The following KCNQ5 variants were observed in gnomAD, a reference collection of about 807,000 sequenced individuals.
KCNQ5 encodes potassium voltage-gated channel subfamily KQT member 5.
Under a neutral mutation model 98.2 loss-of-function variants are expected in KCNQ5, and 30 were observed. That is an observed-to-expected ratio of 0.31 (90% CI 0.23 to 0.41). The LOEUF (loss-of-function observed/expected upper bound fraction) is 0.41. KCNQ5 is among the 10% of genes least tolerant of loss of function. The pLI is 1.00. For synonymous variants in KCNQ5, 458 were observed against 449.4 expected (o/e 1.02, Z -0.24); for missense variants, 835 against 1,182.5 (o/e 0.71, Z 4.31).
At chr6:73,177,601 A>G (rs2150511043) in intron 11 of KCNQ5, among the ~76,000 whole-genome samples, 1 of 152,372 alleles carries the variant, frequency 6.6e-6, no homozygotes, top group Non-Finnish European at 1.5e-5. Flanking sequence ...GCAAGTAAAG[A>G]AGAGGCACGT....
intron 3 of KCNQ5, chr6:73,055,255 C>T: frequency 1.5e-6 from 2 of 1,294,668 alleles, no homozygotes; most frequent in Non-Finnish European, 2.2e-6. Context: ...ACATCTGCTT[C>T]ACCTCATTGC....
chr6:73,044,358 T>A (rs1249847236), intron 3 of KCNQ5, among the ~76,000 whole-genome samples: 3 of 152,226 alleles, frequency 2.0e-5, no homozygotes, highest in Non-Finnish European at 4.4e-5. Flanking sequence ...TATTTAGATA[T>A]TTTACCTCTA....
intron 1 of KCNQ5, among the ~76,000 whole-genome samples, chr6:72,981,451 T>G (rs867043598): frequency 6.6e-6 from 1 of 152,138 alleles, no homozygotes. Flanking sequence ...TGCAGAGAGG[T>G]GTTTATAGTA....
chr6:73,174,026 C>G (rs1450053892), intron 11 of KCNQ5, among the ~76,000 whole-genome samples: 3 of 151,394 alleles, frequency 2.0e-5, no homozygotes, highest in Non-Finnish European at 4.4e-5. Context: ...CAAAGCTTAC[C>G]TGCTTCTTAC....
intron 1 of KCNQ5, among the ~76,000 whole-genome samples, chr6:72,921,034 G>A (rs1582019641): frequency 6.6e-6 from 1 of 152,202 alleles, no homozygotes; most frequent in East Asian, 1.9e-4. Context: ...AAAGAATAGT[G>A]AAACAAAGCC....
chr6:72,905,582 T>C (rs927691216), intron 1 of KCNQ5, among the ~76,000 whole-genome samples: 1 of 152,176 alleles, frequency 6.6e-6, no homozygotes, highest in Non-Finnish European at 1.5e-5. Context: ...CTTGATGTAG[T>C]ACTCTCCCCC....
intron 1 of KCNQ5, among the ~76,000 whole-genome samples, chr6:72,816,025 G>A (rs1177327645): frequency 6.6e-6 from 1 of 152,142 alleles, no homozygotes; most frequent in Middle Eastern, 3.2e-3. Context: ...GAGGCTTAAG[G>A]CCATTTCCTT....
chr6:72,985,706 G>A (rs1177540515), intron 1 of KCNQ5, among the ~76,000 whole-genome samples: 1 of 152,264 alleles, frequency 6.6e-6, no homozygotes, highest in African/African-American at 2.4e-5. Context: ...TATCCTGTTA[G>A]TGGGAAGGTA....
At chr6:73,098,856 T>C (rs1165606419) in intron 5 of KCNQ5, among the ~76,000 whole-genome samples, 1 of 152,112 alleles carries the variant, frequency 6.6e-6, no homozygotes, top group African/African-American at 2.4e-5. Context: ...AAACAGAATA[T>C]TATAGCACTA....
chr6:72,797,884 CA>C (rs1774424501), intron 1 of KCNQ5, among the ~76,000 whole-genome samples: 1 of 152,076 alleles, frequency 6.6e-6, no homozygotes, highest in Admixed American at 6.6e-5. Context: ...CTTCTATATT[CA>C]TTATTAGTTA....
At chr6:72,865,679 C>T (rs1481427950) in intron 1 of KCNQ5, among the ~76,000 whole-genome samples, 2 of 152,080 alleles carry the variant, frequency 1.3e-5, no homozygotes, top group South Asian at 2.1e-4. Context: ...GAAATTAGGG[C>T]ATATCATTTG....
chr6:72,943,561 A>C (rs1002460264), intron 1 of KCNQ5, among the ~76,000 whole-genome samples: 2 of 152,238 alleles, frequency 1.3e-5, no homozygotes, highest in African/African-American at 4.8e-5. Context: ...TATCATTTGA[A>C]AATTATTGAA....
intron 1 of KCNQ5, among the ~76,000 whole-genome samples, chr6:72,825,498 C>T (rs375368803): frequency 6.6e-6 from 1 of 152,186 alleles, no homozygotes; most frequent in African/African-American, 2.4e-5. Flanking sequence ...CAGACTGGAA[C>T]TGGGAACAGG....
intron 1 of KCNQ5, among the ~76,000 whole-genome samples, chr6:72,950,532 G>T (rs369716512): frequency 9.6e-4 from 146 of 152,338 alleles, no homozygotes; most frequent in African/African-American, 3.2e-3. Flanking sequence ...ATTGGTTGCA[G>T]CAGAGCCCCT....
At chr6:72,634,662 T>C (rs1020716590) in intron 1 of KCNQ5, among the ~76,000 whole-genome samples, 12 of 151,934 alleles carry the variant, frequency 7.9e-5, no homozygotes, top group African/African-American at 2.7e-4. Context: ...ACCTCCCAGG[T>C]TCAAGCAATT....
rs1433696920 is a variant in KCNQ5, at chr6:73,006,139, A to C, written c.489+2141A>C. The stretch of plus-strand genomic sequence containing the variant: ...CATTTGTAGAAGATTTGGAAAAGTC[A>C]ATCATTAAGATGACAAATCTTAATG... On this transcript the variant is annotated intron_variant, in intron 2 of 13. Coordinates refer to ENST00000370398, the MANE Select transcript of KCNQ5 (RefSeq NM_019842.4). Among the ~76,000 whole-genome samples the C allele has an allele frequency of 2.6e-5, 4 of 152,224 alleles. No individual in the cohort carries two copies. In the East Asian group the frequency reaches 7.7e-4, roughly 29 times the overall value.
chr6:72,843,268 G>A (rs957231215), intron 1 of KCNQ5, among the ~76,000 whole-genome samples: 1 of 152,074 alleles, frequency 6.6e-6, no homozygotes, highest in African/African-American at 2.4e-5. Context: ...GTTTTTGTCA[G>A]GTTTGTCAAA....
chr6:72,970,868 A>G (rs1767856334), intron 1 of KCNQ5, among the ~76,000 whole-genome samples: 2 of 152,234 alleles, frequency 1.3e-5, no homozygotes, highest in Non-Finnish European at 2.9e-5. Flanking sequence ...TTAAAGACTT[A>G]CATGTTAGAC....
chr6:72,866,725 A>AATT (rs1778002849), intron 1 of KCNQ5, among the ~76,000 whole-genome samples: 1 of 152,166 alleles, frequency 6.6e-6, no homozygotes, highest in Non-Finnish European at 1.5e-5. Flanking sequence ...CCACATCAAC[A>AATT]ATTAGTTAAT....
Sources: gnomAD v4.1 joint callset for allele counts (sites outside exome capture counted in the v4.1 genomes callset) on GRCh38, gnomAD v4.1.1 for gene constraint, MANE v1.5 for transcripts, NCBI Gene and HGNC (gene_info 2026-07-23, HGNC 2026-07-21) for gene names.